The following SULT4A1 variants were observed in gnomAD, a reference collection of about 807,000 sequenced individuals.
SULT4A1 encodes the protein sulfotransferase 4A1.
Under a neutral mutation model 35.2 loss-of-function variants are expected in SULT4A1, and 11 were observed. The observed-to-expected ratio is 0.31, with a 90% CI of 0.20 to 0.52. The LOEUF (loss-of-function observed/expected upper bound fraction) is 0.52. Among genes scored for constraint, SULT4A1 ranks in the 20% least tolerant of loss-of-function variants. The pLI is 0.97. For missense variants in SULT4A1, 271 were observed against 383.7 expected, an observed-to-expected ratio of 0.71 and a Z score of 2.45; for synonymous variants, 152 against 151.8, an observed-to-expected ratio of 1.00 and a Z score of -0.01.
chr22:43,833,577 C>T (rs1156240616), intron 5 of SULT4A1, 63 bp downstream of exon 5: 11 of 1,362,526 alleles, frequency 8.1e-6, no homozygotes, highest in Admixed American at 4.0e-5. Flanking sequence ...AGGGCTCCTG[C>T]GTCAGGAGCT....
At chr22:43,856,063 C>T (rs370665356) in intron 1 of SULT4A1, among the ~76,000 whole-genome samples, 20 of 152,224 alleles carry the variant, frequency 1.3e-4, no homozygotes, top group African/African-American at 4.8e-4. Context: ...AGAGTTCACA[C>T]CCAAACACAG....
intron 2 of SULT4A1, among the ~76,000 whole-genome samples, chr22:43,840,917 C>A (rs2063421881): frequency 6.7e-6 from 1 of 149,848 alleles, no homozygotes; most frequent in African/African-American, 2.4e-5. Context: ...TCTTTCAGGA[C>A]CTGCCTCAGA....
chr22:43,835,134 C>G (rs1280864319), intron 4 of SULT4A1, among the ~76,000 whole-genome samples: 1 of 147,194 alleles, frequency 6.8e-6, no homozygotes, highest in Non-Finnish European at 1.5e-5. Flanking sequence ...CAGCCCTGAG[C>G]TTCCCGCGCC....
In SULT4A1 at chr22:43,836,823, G is replaced by A. The variant is rs2063380789; in HGVS notation, c.508+2044C>T. 3.3e-5 allele frequency among the ~76,000 whole-genome samples: 5 copies of A among 151,886 alleles called. No homozygotes were observed. The South Asian group carries it at 1.0e-3, about 32-fold the overall frequency. ...CCAGTCTACACAGCGTCCTCACACT[G>A]CAGGTGCCACAGGGACCCAGCCTAC... On this transcript the variant is annotated intron_variant, in intron 4 of 6. Transcript: ENST00000330884.
rs75986828 is a variant in SULT4A1 at position 43,828,519 on chromosome 22, C to T, written c.742+541G>A. Among the ~76,000 whole-genome samples, 1,104 of 152,320 alleles carry T rather than the reference C, an allele frequency of 7.2e-3. 10 individuals carry two copies. The highest frequency in any genetic ancestry group is 0.026 in the African/African-American group (1,074 of 41,576). On this transcript the variant is annotated intron_variant, in intron 6 of 6. Transcript: ENST00000330884. ...CTTGGTACTGTCTGCTTAAGTTCAC[C>T]ACCCCGAAGTGGGGCTAGGCCTCAC...
At position 43,862,391 on chromosome 22, in the gene SULT4A1, C is replaced by A. The variant is rs757020848; in HGVS notation, c.-9G>T. 33 of 1,277,748 alleles carry A rather than the reference C, an allele frequency of 2.6e-5. No homozygotes were observed. The highest frequency in any genetic ancestry group is 3.2e-5 in the Non-Finnish European group (32 of 992,490). The allele number at this position is 1,277,748 out of a possible 1,614,324, so 79.2% of individuals were successfully genotyped here. ...GCCTCGCTCTCCGCCATGCCGCCGC[C>A]GTCGCCGTCGCCGCCGCCGCCTCCC... On this transcript the variant is annotated 5_prime_UTR_variant, in exon 1 of 7. Coordinates refer to ENST00000330884, the MANE Select transcript of SULT4A1 (RefSeq NM_014351.4).
At chr22:43,844,578 C>T (rs1473568436) in intron 1 of SULT4A1, among the ~76,000 whole-genome samples, 1 of 152,230 alleles carries the variant, frequency 6.6e-6, no homozygotes, top group Non-Finnish European at 1.5e-5. Flanking sequence ...AATGTTCACA[C>T]ACTCAGGCCC....
At chr22:43,839,898 C>T in intron 3 of SULT4A1, 47 bp downstream of exon 3, 1 of 1,555,360 alleles carries the variant, frequency 6.4e-7, no homozygotes, top group South Asian at 1.2e-5. Context: ...CCTTGGGCTC[C>T]TCTTGGTGGG....
At position 43,857,370 on chromosome 22, in the gene SULT4A1, CAAAAAAAAAAAA is replaced by C. The variant is rs60746917; in HGVS notation, c.169+4832_169+4843del. ...TGAGCAGCACAGTGAGATCCTGTCTCAAAAAAAAAAAAAAAAAAAAAGGAAAGAAAAAAGAGG... is the reference window on the plus strand; with the variant it reads ...TGAGCAGCACAGTGAGATCCTGTCTCAAAAAAAAAGGAAAGAAAAAAGAGG... On this transcript the variant is annotated intron_variant, in intron 1 of 6. Transcript: ENST00000330884. Among the ~76,000 whole-genome samples the C allele has an allele frequency of 2.1e-5, 2 of 93,794 alleles. 1 individual carries two copies. Among genetic ancestry groups the C allele is most frequent in the Admixed American group, 2.4e-4 (2 of 8,370 alleles). The allele number at this position is 93,794 out of a possible 152,430, so 61.5% of individuals were successfully genotyped here. A position where few individuals can be genotyped will look rare whatever the true frequency, so the allele number is the denominator to read the frequency against.
rs189109490 is a variant in SULT4A1 at position 43,857,816 on chromosome 22, G to T, written c.169+4398C>A. ...TGTAATCTCAGCACTTTGGGAGGCC[G>T]AGGTAAGAGGATCATTTGAGCCCAT... is the stretch of plus-strand genomic sequence containing the variant. On this transcript the variant is annotated intron_variant, in intron 1 of 6. Transcript: ENST00000330884. 3.7e-3 allele frequency among the ~76,000 whole-genome samples: 551 copies of T among 149,502 alleles called. 3 individuals are homozygous for T. Among genetic ancestry groups the T allele is most frequent in the African/African-American group, 0.013 (518 of 40,654 alleles).
rs182160285 is a variant in SULT4A1, at chr22:43,826,860, C to G, written c.743-747G>C. ...AGTCTGGGCACAGCCCCCAGCTGCT[C>G]TAGCCCAGGCTTAGTCAGAAACCCA... On this transcript the variant is annotated intron_variant, in intron 6 of 6. Transcript: ENST00000330884. 4 of 985,454 alleles carry G rather than the reference C, an allele frequency of 4.1e-6. No homozygotes were observed. In the East Asian group the frequency reaches 3.4e-4, roughly 84 times the overall value. The allele number at this position is 985,454 out of a possible 1,614,324, so 61.0% of individuals were successfully genotyped here. A position where few individuals can be genotyped will look rare whatever the true frequency, so the allele number is the denominator to read the frequency against.
rs139061065 is a variant in SULT4A1 at position 43,827,065 on chromosome 22, G to A, written c.743-952C>T. ...TAGGTTGGTCTAGTCCAATAGCAAC[G>A]GTGACCGTGAAGATGTCTGGGGCGG... On this transcript the variant is annotated intron_variant, in intron 6 of 6. Coordinates refer to ENST00000330884, the MANE Select transcript of SULT4A1 (RefSeq NM_014351.4). 5.1e-4 allele frequency: 506 copies of A among 985,436 alleles called. 3 individuals are homozygous for A. In the African/African-American group the frequency reaches 7.7e-3, roughly 15 times the overall value. The allele number at this position is 985,436 out of a possible 1,614,324, so 61.0% of individuals were successfully genotyped here. A position where few individuals can be genotyped will look rare whatever the true frequency, so the allele number is the denominator to read the frequency against.
intron 1 of SULT4A1, among the ~76,000 whole-genome samples, chr22:43,843,462 C>T (rs2063449872): frequency 1.3e-5 from 2 of 152,196 alleles, no homozygotes; most frequent in Admixed American, 1.3e-4. Flanking sequence ...CCTTTTCTGA[C>T]TGTGTGGGTC....
intron 1 of SULT4A1, among the ~76,000 whole-genome samples, chr22:43,858,467 C>CAAAGGG (rs1057180032): frequency 6.6e-6 from 1 of 152,036 alleles, no homozygotes; most frequent in African/African-American, 2.4e-5. Context: ...AGCCGGAAGA[C>CAAAGGG]AAAGGGGAAG....
chr22:43,861,885 G>C (rs959479727), intron 1 of SULT4A1, among the ~76,000 whole-genome samples: 1 of 152,234 alleles, frequency 6.6e-6, no homozygotes, highest in African/African-American at 2.4e-5. Context: ...CAGCCAGCCA[G>C]GTAAAGGGAG....
At chr22:43,855,766 C>T (rs2049394751) in intron 1 of SULT4A1, among the ~76,000 whole-genome samples, 1 of 151,430 alleles carries the variant, frequency 6.6e-6, no homozygotes, top group Non-Finnish European at 1.5e-5. Context: ...GGGCCACTTC[C>T]CCCTAGATGC....
intron 6 of SULT4A1, 30 bp from the exon 7 acceptor site, chr22:43,826,143 C>A: frequency 6.2e-7 from 1 of 1,611,696 alleles, no homozygotes; most frequent in Non-Finnish European, 8.5e-7. Flanking sequence ...ACTGCTGGGG[C>A]CACTTGCTGT....
intron 1 of SULT4A1, among the ~76,000 whole-genome samples, chr22:43,846,596 T>G (rs2063478633): frequency 6.6e-6 from 1 of 152,206 alleles, no homozygotes; most frequent in Admixed American, 6.5e-5. Context: ...TCTGGCTTGG[T>G]GATGGAAAAC....
At position 43,825,860 on chromosome 22, in the gene SULT4A1, G is replaced by C. The variant is rs1357161296; in HGVS notation, c.*141C>G. On this transcript the variant is annotated 3_prime_UTR_variant, in exon 7 of 7. Coordinates refer to ENST00000330884, the MANE Select transcript of SULT4A1 (RefSeq NM_014351.4). Reference sequence around the variant, plus strand: ...GGTTGGGAATCATCACACTCCCTCCGCTCACGCCGCTCTTCCCTTCCCCCG... The same window carrying C: ...GGTTGGGAATCATCACACTCCCTCCCCTCACGCCGCTCTTCCCTTCCCCCG... The C allele has an allele frequency of 1.3e-6, 1 of 789,058 alleles. No homozygotes were observed. The highest frequency in any genetic ancestry group is 1.8e-5 in the South Asian group (1 of 56,008). 48.9% of individuals were successfully genotyped at this position (789,058 alleles called of 1,614,324 possible).
Sources: gnomAD v4.1 joint callset for allele counts (sites outside exome capture counted in the v4.1 genomes callset) on GRCh38, gnomAD v4.1.1 for gene constraint, MANE v1.5 for transcripts, NCBI Gene and HGNC (gene_info 2026-07-23, HGNC 2026-07-21) for gene names.